The following IRAK1BP1 variants were observed in gnomAD, a reference collection of about 807,000 sequenced individuals.
The protein encoded by IRAK1BP1 is interleukin 1 receptor associated kinase 1 binding protein 1.
Under a neutral mutation model 28.0 loss-of-function variants are expected in IRAK1BP1, and 24 were observed. The observed-to-expected ratio is 0.86, with a 90% CI of 0.62 to 1.20. IRAK1BP1 has a LOEUF of 1.20. Ranked by LOEUF, IRAK1BP1 falls within the 50% of genes most tolerant of loss-of-function variation. IRAK1BP1 has a pLI of 0.00. For synonymous variants in IRAK1BP1, 131 were observed against 116.3 expected, an observed-to-expected ratio of 1.13 and a Z score of -0.81; for missense variants, 336 against 316.7, an observed-to-expected ratio of 1.06 and a Z score of -0.46.
the IRAK1BP1 span, among the ~76,000 whole-genome samples, chr6:78,974,241 T>G: frequency 2.0e-5 from 3 of 152,038 alleles, no homozygotes; most frequent in Non-Finnish European, 4.4e-5. Context: ...ACCGCTCAAC[T>G]ACATGGAAAC....
intron 1 of IRAK1BP1, among the ~76,000 whole-genome samples, chr6:78,878,340 G>A (rs540831146): frequency 5.8e-4 from 88 of 152,342 alleles, no homozygotes; most frequent in Admixed American, 1.2e-3. Context: ...CTGTTCTGCA[G>A]TATTTGCTGT....
chr6:78,888,526 T>TG (rs1294490900), intron 2 of IRAK1BP1, among the ~76,000 whole-genome samples: 6 of 151,752 alleles, frequency 4.0e-5, no homozygotes, highest in African/African-American at 1.5e-4. Flanking sequence ...TCCAATTTTT[T>TG]TTTTTTTTTG....
intron 4 of IRAK1BP1, among the ~76,000 whole-genome samples, chr6:78,912,158 C>T (rs921885006): frequency 5.9e-5 from 9 of 151,958 alleles, no homozygotes; most frequent in African/African-American, 1.7e-4. Flanking sequence ...GGGACAACTT[C>T]CCAGAAGAGG....
At chr6:78,944,031 T>C (rs1464238943) in intron 4 of IRAK1BP1, among the ~76,000 whole-genome samples, 1 of 142,596 alleles carries the variant, frequency 7.0e-6, no homozygotes, top group African/African-American at 2.6e-5. Context: ...CTTGATTCTA[T>C]CTAAAGAAGC....
At chr6:78,946,042 A>G (rs1293579379) in exon 5 of IRAK1BP1, 1 of 1,612,350 alleles carries the variant, frequency 6.2e-7, no homozygotes, top group Non-Finnish European at 8.5e-7. Flanking sequence ...TTTTGTAATA[A>G]AAGTCTTTGC....
chr6:78,898,411 AATATATATATATATATATAT>A lies in IRAK1BP1; in HGVS notation c.*92_*111del, dbSNP rs58937738. 3.4e-4 allele frequency: 29 copies of A among 86,528 alleles called. 2 individuals carry two copies. In the East Asian group the frequency reaches 4.8e-3, roughly 14 times the overall value. 5.4% of individuals were successfully genotyped at this position (86,528 alleles called of 1,614,324 possible). A position where few individuals can be genotyped will look rare whatever the true frequency, so the allele number is the denominator to read the frequency against. On this transcript the variant is annotated 3_prime_UTR_variant, in exon 4 of 4. Transcript: ENST00000369940. ...TTTTATAATGTTTACGTTTGTCCTG[AATATATATATATATATATAT>A]ATATATATATATATGGTATAGGAGA...
At chr6:78,942,796 T>G (rs553235252) in intron 4 of IRAK1BP1, among the ~76,000 whole-genome samples, 3 of 152,330 alleles carry the variant, frequency 2.0e-5, no homozygotes, top group Admixed American at 2.0e-4. Context: ...CATGAATCCC[T>G]TGTAATGGTC....
At chr6:78,883,478 C>CA (rs1050763817) in intron 1 of IRAK1BP1, among the ~76,000 whole-genome samples, 4 of 151,908 alleles carry the variant, frequency 2.6e-5, no homozygotes, top group African/African-American at 9.7e-5. Flanking sequence ...CTATTAAAAA[C>CA]AAAAATAGCA....
At position 78,880,150 on chromosome 6, in the gene IRAK1BP1, C is replaced by A. The variant is rs999286736; in HGVS notation, c.316-5228C>A. ...AAAGAAAAGGAGAAAATCTATGTGA[C>A]CTTGGGATTGAAGATGAGTTTTTAG... On this transcript the variant is annotated intron_variant, in intron 1 of 3. Coordinates refer to ENST00000369940, the MANE Select transcript of IRAK1BP1 (RefSeq NM_001010844.4). Among the ~76,000 whole-genome samples the A allele has an allele frequency of 2.0e-5, 3 of 152,212 alleles. No individual in the cohort carries two copies. In the East Asian group the frequency reaches 5.8e-4, roughly 29 times the overall value.
At chr6:78,948,644 G>C (rs375398611), downstream of IRAK1BP1, among the ~76,000 whole-genome samples, 1 of 151,980 alleles carries the variant, frequency 6.6e-6, no homozygotes, top group Non-Finnish European at 1.5e-5. Context: ...ACAGGCAGGC[G>C]CTACCACACC....
chr6:78,894,978 C>G (rs1313667403), intron 2 of IRAK1BP1, among the ~76,000 whole-genome samples: 2 of 151,882 alleles, frequency 1.3e-5, no homozygotes, highest in East Asian at 3.9e-4. Flanking sequence ...CATGGTGGTG[C>G]ACACCTGTAA....
chr6:78,915,514 C>T (rs936507648), intron 4 of IRAK1BP1, among the ~76,000 whole-genome samples: 9 of 152,160 alleles, frequency 5.9e-5, no homozygotes, highest in Non-Finnish European at 8.8e-5. Context: ...TGTGGATTCA[C>T]ACTTCCCTCA....
the IRAK1BP1 span, chr6:78,955,434 A>G: frequency 3.3e-6 from 2 of 614,540 alleles, no homozygotes; most frequent in African/African-American, 1.9e-5. Flanking sequence ...GGTTCCCCCC[A>G]TTAAAAAATT....
intron 4 of IRAK1BP1, chr6:78,938,864 T>A (rs1773367713): frequency 6.6e-6 from 1 of 151,778 alleles, no homozygotes; most frequent in Non-Finnish European, 1.5e-5. Context: ...ACTTTTTCAT[T>A]CTTCACGACA....
the IRAK1BP1 span, chr6:78,962,950 C>A: frequency 4.7e-6 from 3 of 633,964 alleles, no homozygotes; most frequent in African/African-American, 3.8e-5. Flanking sequence ...GTGTTAAGAC[C>A]ACATTCAAAA....
At chr6:78,946,712 T>C (rs1414532205), downstream of IRAK1BP1, 2 of 1,553,410 alleles carry the variant, frequency 1.3e-6, no homozygotes, top group Non-Finnish European at 1.7e-6. Flanking sequence ...ATTAAATACC[T>C]TGATGCAGCA....
intron 4 of IRAK1BP1, among the ~76,000 whole-genome samples, chr6:78,910,810 T>A (rs1224433169): frequency 6.6e-6 from 1 of 152,220 alleles, no homozygotes. Context: ...CCTGTCGCAG[T>A]TCCAGGGCGC....
intron 1 of IRAK1BP1, among the ~76,000 whole-genome samples, chr6:78,873,254 CAAAAAAAAAAAAAAAAA>C (rs35962544): frequency 4.9e-5 from 2 of 41,106 alleles, no homozygotes; most frequent in Admixed American, 4.3e-4. Flanking sequence ...AACTCTGTCT[CAAAAAAAAAAAAAAAAA>C]AAAAAAAAAA....
chr6:78,913,923 A>G (rs946749999), intron 4 of IRAK1BP1, among the ~76,000 whole-genome samples: 2 of 152,376 alleles, frequency 1.3e-5, no homozygotes, highest in Admixed American at 6.5e-5. Flanking sequence ...GTTGCTTCTT[A>G]GTAACCACAT....
Sources: gnomAD v4.1 joint callset for allele counts (sites outside exome capture counted in the v4.1 genomes callset) on GRCh38, gnomAD v4.1.1 for gene constraint, MANE v1.5 for transcripts, NCBI Gene and HGNC (gene_info 2026-07-23, HGNC 2026-07-21) for gene names.